BCAR3: variants seen among roughly 807,000 people sequenced by gnomAD.
BCAR3 encodes the protein BCAR3 adaptor protein, NSP family member.
In BCAR3, 37 loss-of-function variants were observed where a neutral mutation model predicts 80.1. That is an observed-to-expected ratio of 0.46 (90% confidence interval 0.36 to 0.61). The LOEUF is 0.61. BCAR3 is among the 20% of genes least tolerant of loss of function. The pLI, the probability that BCAR3 is intolerant of heterozygous loss-of-function variation, is 0.00. For missense variants in BCAR3, 978 were observed against 1,068.2 expected, an observed-to-expected ratio of 0.92 and a Z score of 1.18; for synonymous variants, 389 against 418.9, an observed-to-expected ratio of 0.93 and a Z score of 0.87.
chr1:93,758,827 C>T (rs1408354807), intron 2 of BCAR3, among the ~76,000 whole-genome samples: 2 of 152,132 alleles, frequency 1.3e-5, no homozygotes, highest in Non-Finnish European at 2.9e-5. Flanking sequence ...GGAGGAGGGA[C>T]AGTGGGTGGC....
intron 5 of BCAR3, 30 bp from the exon 6 acceptor site, chr1:93,584,151 G>A: frequency 6.3e-7 from 1 of 1,598,872 alleles, no homozygotes; most frequent in Non-Finnish European, 8.6e-7. Context: ...GGATGGAAAT[G>A]TGTTACTAAC....
intron 2 of BCAR3, among the ~76,000 whole-genome samples, chr1:93,654,258 G>A (rs1046542978): frequency 9.2e-5 from 14 of 152,220 alleles, no homozygotes; most frequent in African/African-American, 3.4e-4. Context: ...TTACGAGACA[G>A]TGATCACCCA....
chr1:93,572,966 G>C (rs1216866776), intron 8 of BCAR3, among the ~76,000 whole-genome samples: 2 of 152,184 alleles, frequency 1.3e-5, no homozygotes, highest in Non-Finnish European at 2.9e-5. Context: ...CTGCCTCCAA[G>C]TGTGTTTGCG....
chr1:93,596,807 G>A (rs1024048046), intron 3 of BCAR3, among the ~76,000 whole-genome samples: 4 of 152,120 alleles, frequency 2.6e-5, no homozygotes, highest in Admixed American at 6.5e-5. Context: ...GGAAGGAGGT[G>A]GCAGCAGAGG....
chr1:93,812,355 C>CCTTCATACCT (rs1553173955), intron 2 of BCAR3, among the ~76,000 whole-genome samples: 1 of 152,042 alleles, frequency 6.6e-6, no homozygotes, highest in Non-Finnish European at 1.5e-5. Context: ...TCCTATCTGC[C>CCTTCATACCT]CTTCATACCT....
At chr1:93,664,581 G>A (rs1197519103) in intron 2 of BCAR3, among the ~76,000 whole-genome samples, 1 of 152,144 alleles carries the variant, frequency 6.6e-6, no homozygotes, top group African/African-American at 2.4e-5. Context: ...TTACACTATG[G>A]TGAGTCTATA....
intron 3 of BCAR3, among the ~76,000 whole-genome samples, chr1:93,625,666 A>G (rs981738817): frequency 6.6e-6 from 1 of 152,248 alleles, no homozygotes; most frequent in African/African-American, 2.4e-5. Flanking sequence ...CACTGAGGTC[A>G]TTCAAGAAAC....
chr1:93,569,427 C>A (rs949957473), intron 9 of BCAR3, among the ~76,000 whole-genome samples: 2 of 152,238 alleles, frequency 1.3e-5, no homozygotes, highest in African/African-American at 4.8e-5. Flanking sequence ...CGCCTTCCTC[C>A]TGCTGCCCAC....
rs576554926 is a variant in BCAR3, at chr1:93,705,184, C to T, written c.-12+908G>A. Among the ~76,000 whole-genome samples the T allele has an allele frequency of 4.8e-3, 726 of 152,178 alleles. 7 individuals carry two copies. Among genetic ancestry groups the T allele is most frequent in the Middle Eastern group, 0.027 (8 of 294 alleles). ...GGGAACCCAACTTGTGGGGTTTCTG[C>T]GTGGAAAAGAACTTCACGGGCTGGG... On this transcript the variant is annotated intron_variant, in intron 3 of 13. Transcript: ENST00000370244.
Position 93,588,966 on chromosome 1 carries a change from C to T in BCAR3, c.929+11G>A. 1 of 1,551,896 alleles carries T rather than the reference C, an allele frequency of 6.4e-7. No homozygotes were observed. The highest frequency in any genetic ancestry group is 8.7e-7 in the Non-Finnish European group (1 of 1,144,932). ...GCCCCTCATAGTCCTGCAGAGGAGGCCCTGACCTACCTGAGGAGGTTTCCC... is the reference window on the plus strand; with the variant it reads ...GCCCCTCATAGTCCTGCAGAGGAGGTCCTGACCTACCTGAGGAGGTTTCCC... On this transcript the variant is annotated intron_variant, in intron 5 of 11. Coordinates refer to ENST00000260502, the MANE Select transcript of BCAR3 (RefSeq NM_003567.4).
chr1:93,634,589 G>C (rs775081590), intron 3 of BCAR3, among the ~76,000 whole-genome samples: 8 of 152,088 alleles, frequency 5.3e-5, no homozygotes, highest in Admixed American at 1.3e-4. Flanking sequence ...CAGCTACTTG[G>C]GAAGCTGAGG....
chr1:93,664,408 C>G (rs978013748), intron 2 of BCAR3, among the ~76,000 whole-genome samples: 1 of 152,184 alleles, frequency 6.6e-6, no homozygotes, highest in African/African-American at 2.4e-5. Context: ...CGTGAGCCAC[C>G]GCGCCTGGCC....
At chr1:93,737,486 A>G (rs995711007) in intron 2 of BCAR3, among the ~76,000 whole-genome samples, 2 of 152,162 alleles carry the variant, frequency 1.3e-5, no homozygotes, top group Admixed American at 1.3e-4. Flanking sequence ...GCTACAAGCC[A>G]AGGAATGTCG....
chr1:93,602,630 C>T (rs1040807738), intron 3 of BCAR3, among the ~76,000 whole-genome samples: 25 of 152,126 alleles, frequency 1.6e-4, no homozygotes, highest in African/African-American at 5.1e-4. Context: ...CCCTGCCTTG[C>T]GTTGAATTTC....
chr1:93,669,817 C>G (rs993783984), intron 2 of BCAR3, among the ~76,000 whole-genome samples: 1 of 152,188 alleles, frequency 6.6e-6, no homozygotes, highest in African/African-American at 2.4e-5. Context: ...GACTATTATT[C>G]TAAGTGAAGT....
At chr1:93,589,803 G>A (rs755790213) in intron 4 of BCAR3, among the ~76,000 whole-genome samples, 13 of 152,316 alleles carry the variant, frequency 8.5e-5, no homozygotes, top group South Asian at 4.1e-4. Context: ...AGGAAGTGCC[G>A]GGGAGGGGAT....
chr1:93,575,932 C>A (rs1673437312), intron 8 of BCAR3, 82 bp downstream of exon 8: 5 of 1,226,464 alleles, frequency 4.1e-6, no homozygotes, highest in Non-Finnish European at 5.9e-6. Context: ...TGGTGCTGCG[C>A]CTCTCTTTGT....
intron 3 of BCAR3, 143 bp downstream of exon 3, chr1:93,642,161 G>T: frequency 1.1e-6 from 1 of 931,572 alleles, no homozygotes; most frequent in East Asian, 2.4e-5. Flanking sequence ...GCCTAAGGGA[G>T]TCAAATTTCC....
At chr1:93,745,865 C>G (rs571777280) in intron 2 of BCAR3, among the ~76,000 whole-genome samples, 2 of 152,200 alleles carry the variant, frequency 1.3e-5, no homozygotes, top group Non-Finnish European at 2.9e-5. Context: ...CATAGTAAGA[C>G]CCCATCTCTA....
Sources: gnomAD v4.1 joint callset for allele counts (sites outside exome capture counted in the v4.1 genomes callset) on GRCh38, gnomAD v4.1.1 for gene constraint, MANE v1.5 for transcripts, NCBI Gene and HGNC (gene_info 2026-07-23, HGNC 2026-07-21) for gene names.